The following RPF2 variants were observed in gnomAD, a reference collection of about 807,000 sequenced individuals.
The protein encoded by RPF2 is brix domain containing 1.
RPF2 carries 21 observed loss-of-function variants against 38.9 expected under a neutral mutation model. The ratio of observed to expected loss-of-function variants is 0.54; its 90% confidence interval spans 0.38 to 0.78. RPF2 has a LOEUF of 0.78. Among genes scored for constraint, RPF2 ranks in the 30% least tolerant of loss-of-function variants. The pLI, the probability that RPF2 is intolerant of heterozygous loss-of-function variation, is 0.00. For missense variants in RPF2, 314 were observed against 358.1 expected (o/e 0.88, Z 0.99); for synonymous variants, 121 against 126.2 (o/e 0.96, Z 0.28).
chr6:111,007,076 ACTGTGTTGCCCAGG>A (rs1205842416), intron 6 of RPF2, among the ~76,000 whole-genome samples: 5 of 151,932 alleles, frequency 3.3e-5, no homozygotes, highest in African/African-American at 1.2e-4. Flanking sequence ...ATGAGGTCTC[ACTGTGTTGCCCAGG>A]CTGGTCTTGA....
chr6:110,982,296 G>T, intron 1 of RPF2, 167 bp downstream of exon 1: 1 of 721,940 alleles, frequency 1.4e-6, no homozygotes, highest in Non-Finnish European at 2.4e-6. Flanking sequence ...TGCTTGCCAG[G>T]AGACAGTGGG....
Position 111,015,842 on chromosome 6 carries a change from C to G in RPF2, c.582C>G (p.Tyr194Ter). ...LHFTALNGKIYFRSYKLLLKK... is the reference protein window; with the variant it reads ...LHFTALNGKI ...TCACTGCACTGAATGGGAAGATTTA[C>G]TTTCGAAGCTATAAGTAAGTGCATT... Residue 194 changes from tyrosine to a stop codon, truncating the protein, a stop_gained, in exon 8 of 10, where the codon TAC becomes TAG. Transcript: ENST00000441448. LOFTEE classifies it high-confidence loss of function. 2 of 1,605,838 alleles carry G rather than the reference C, an allele frequency of 1.2e-6. No homozygotes were observed. The highest frequency in any genetic ancestry group is 1.7e-6 in the Non-Finnish European group (2 of 1,172,438).
intron 3 of RPF2, among the ~76,000 whole-genome samples, chr6:110,989,296 A>G (rs74564717): frequency 0.011 from 1,666 of 152,274 alleles, 16 homozygotes; most frequent in Middle Eastern, 0.024. Flanking sequence ...AGATTTACAG[A>G]AAAGTGCAAA....
intron 8 of RPF2, among the ~76,000 whole-genome samples, chr6:111,021,291 AGTTTGAAATTTT>A (rs1239899350): frequency 4.6e-5 from 7 of 152,228 alleles, no homozygotes; most frequent in Non-Finnish European, 7.3e-5. Context: ...AATGAAAAAA[AGTTTGAAATTTT>A]AAAATCAGAG....
At chr6:111,011,800 C>G (rs574064703) in intron 7 of RPF2, among the ~76,000 whole-genome samples, 1 of 152,050 alleles carries the variant, frequency 6.6e-6, no homozygotes, top group South Asian at 2.1e-4. Flanking sequence ...TTTAATAAGC[C>G]CCACCTTCTC....
chr6:111,018,253 T>A (rs147749147), intron 8 of RPF2, among the ~76,000 whole-genome samples: 167 of 151,318 alleles, frequency 1.1e-3, no homozygotes, highest in African/African-American at 3.8e-3. Context: ...GCAATTGTGG[T>A]TCTTGAGATA....
chr6:111,027,507 TAGG>T lies in RPF2; in HGVS notation c.*1929_*1931del, dbSNP rs1298097666. ...TCCCCAAAGCCTCGCTCATCACTGGTAGGAGGCAAAGCAGTGGGTCCTCCTCAC... is the reference window on the plus strand; with the variant it reads ...TCCCCAAAGCCTCGCTCATCACTGGTAGGCAAAGCAGTGGGTCCTCCTCAC... On this transcript the variant is annotated 3_prime_UTR_variant, in exon 10 of 10. Coordinates refer to ENST00000441448, the MANE Select transcript of RPF2 (RefSeq NM_032194.3). The T allele has an allele frequency of 6.6e-6, 1 of 152,124 alleles. No individual in the cohort carries two copies. The highest frequency in any genetic ancestry group is 1.5e-5 in the Non-Finnish European group (1 of 68,028). 9.4% of individuals were successfully genotyped at this position (152,124 alleles called of 1,614,324 possible). A position where few individuals can be genotyped will look rare whatever the true frequency, so the allele number is the denominator to read the frequency against.
Position 110,996,265 on chromosome 6 carries a change from G to A in RPF2, c.235-918G>A, listed in dbSNP as rs9372286. Reference sequence around the variant, plus strand: ...GTGATCTTGGCTCACTGCAACCTCCGCCTCCCAAGTTCAAGGAATTCTCCT... The same window carrying A: ...GTGATCTTGGCTCACTGCAACCTCCACCTCCCAAGTTCAAGGAATTCTCCT... On this transcript the variant is annotated intron_variant, in intron 4 of 9. Transcript: ENST00000441448. Among the ~76,000 whole-genome samples the A allele has an allele frequency of 0.038, 5,803 of 151,816 alleles. 521 individuals are homozygous for A. The East Asian group carries it at 0.41, about 11-fold the overall frequency.
intron 7 of RPF2, among the ~76,000 whole-genome samples, chr6:111,011,052 A>G (rs1772003967): frequency 6.6e-6 from 1 of 152,190 alleles, no homozygotes. Context: ...AAGTTAAATG[A>G]GAGCTATTAA....
At chr6:111,007,644 C>T (rs1163471903) in intron 6 of RPF2, among the ~76,000 whole-genome samples, 2 of 152,096 alleles carry the variant, frequency 1.3e-5, no homozygotes, top group African/African-American at 4.8e-5. Context: ...AAAGTATTGA[C>T]TACTTTAAAA....
chr6:110,999,300 A>G (rs898131038), intron 5 of RPF2, among the ~76,000 whole-genome samples: 3 of 152,112 alleles, frequency 2.0e-5, no homozygotes, highest in African/African-American at 7.2e-5. Context: ...TGAAATATAT[A>G]TATGTACTAA....
chr6:110,986,417 G>A (rs1771526907), intron 2 of RPF2, among the ~76,000 whole-genome samples: 1 of 152,170 alleles, frequency 6.6e-6, no homozygotes, highest in Non-Finnish European at 1.5e-5. Flanking sequence ...GGAAAGAAGA[G>A]TTGGGAACTA....
rs142438087 is a variant in RPF2 at position 111,010,811 on chromosome 6, T to C, written c.493+2674T>C. ...ACAAATACATTGCTTTCATTTTCCC[T>C]TTTTGGGATTATTTATGGTCTTTAT... On this transcript the variant is annotated intron_variant, in intron 7 of 9. Transcript: ENST00000441448. Among the ~76,000 whole-genome samples the C allele has an allele frequency of 4.5e-3, 687 of 152,286 alleles. 7 individuals carry two copies. The highest frequency in any genetic ancestry group is 0.015 in the African/African-American group (639 of 41,560).
chr6:111,026,091 C>CT lies in RPF2; in HGVS notation c.*510dup, dbSNP rs1402714256. The CT allele has an allele frequency of 6.6e-6, 1 of 152,414 alleles. No homozygotes were observed. Among genetic ancestry groups the CT allele is most frequent in the Non-Finnish European group, 1.5e-5 (1 of 68,236 alleles). The allele number at this position is 152,414 out of a possible 1,614,324, so 9.4% of individuals were successfully genotyped here. A position where few individuals can be genotyped will look rare whatever the true frequency, so the allele number is the denominator to read the frequency against. On this transcript the variant is annotated 3_prime_UTR_variant, in exon 10 of 10. Transcript: ENST00000441448. ...TTTGTGGCTGAAAATATATAGATCT[C>CT]TGAGAGGGATGTCTGCTATCTGATT...
At chr6:111,017,651 G>T (rs1178566397) in intron 8 of RPF2, among the ~76,000 whole-genome samples, 1 of 150,198 alleles carries the variant, frequency 6.7e-6, no homozygotes, top group Non-Finnish European at 1.5e-5. Flanking sequence ...CATCTCAGAC[G>T]ATGGGCGGCC....
chr6:111,018,982 G>A (rs185711068), intron 8 of RPF2, among the ~76,000 whole-genome samples: 53 of 152,292 alleles, frequency 3.5e-4, no homozygotes, highest in African/African-American at 1.2e-3. Context: ...TTGGGAGGCC[G>A]AGGTGGGTGG....
At chr6:111,012,744 A>G (rs1191665306) in intron 7 of RPF2, among the ~76,000 whole-genome samples, 2 of 152,294 alleles carry the variant, frequency 1.3e-5, no homozygotes, top group East Asian at 3.9e-4. Context: ...ATCTTGGCTC[A>G]CTGCAACCTC....
chr6:111,002,962 C>T (rs561546892), intron 6 of RPF2, among the ~76,000 whole-genome samples: 263 of 152,000 alleles, frequency 1.7e-3, no homozygotes, highest in Non-Finnish European at 2.9e-3. Flanking sequence ...GGGGTTTCAC[C>T]ATGTTGGCCA....
intron 4 of RPF2, among the ~76,000 whole-genome samples, chr6:110,994,725 G>A (rs1023843110): frequency 4.5e-5 from 3 of 66,526 alleles, no homozygotes; most frequent in Non-Finnish European, 7.6e-5. Flanking sequence ...AGAATGGGAT[G>A]AGTATATATA....
Sources: gnomAD v4.1 joint callset for allele counts (sites outside exome capture counted in the v4.1 genomes callset) on GRCh38, gnomAD v4.1.1 for gene constraint, MANE v1.5 for transcripts, NCBI Gene and HGNC (gene_info 2026-07-23, HGNC 2026-07-21) for gene names.